The following ADGRV1 variants were observed in gnomAD, a reference collection of about 807,000 sequenced individuals.
ADGRV1 encodes G-protein coupled receptor 98.
ADGRV1 carries 359 observed loss-of-function variants against 596.2 expected under a neutral mutation model. That is an observed-to-expected ratio of 0.60 (90% CI 0.55 to 0.66). The LOEUF (loss-of-function observed/expected upper bound fraction) is 0.66, where lower values mean the gene tolerates loss of function less well. Ranked by LOEUF, ADGRV1 falls within the 30% of genes least tolerant of loss-of-function variation. The probability of loss-of-function intolerance (pLI) is 0.00; values close to 1 mark genes in which losing one functional copy is unlikely to be tolerated. For missense variants in ADGRV1, 7,274 were observed against 7,575.6 expected, an observed-to-expected ratio of 0.96 and a Z score of 1.48; for synonymous variants, 2,681 against 2,679.2, an observed-to-expected ratio of 1.00 and a Z score of -0.02.
intron 70 of ADGRV1, among the ~76,000 whole-genome samples, chr5:90,797,232 C>A (rs1021628649): frequency 1.7e-4 from 23 of 131,830 alleles, no homozygotes; most frequent in Middle Eastern, 5.0e-3. Context: ...TGTGCAGAGA[C>A]ACACATAGGC....
chr5:90,566,908 A>G (rs999144327), intron 1 of ADGRV1, among the ~76,000 whole-genome samples: 4 of 152,154 alleles, frequency 2.6e-5, no homozygotes, highest in Non-Finnish European at 5.9e-5. Flanking sequence ...TTAGAGAGAA[A>G]ACTTTTGGTC....
intron 52 of ADGRV1, among the ~76,000 whole-genome samples, chr5:90,747,479 G>A (rs1187735067): frequency 6.6e-6 from 1 of 152,144 alleles, no homozygotes; most frequent in East Asian, 1.9e-4. Flanking sequence ...CTCATGGGGT[G>A]TAAAGTCCAG....
At chr5:91,067,134 C>T (rs1036675047) in intron 85 of ADGRV1, among the ~76,000 whole-genome samples, 1 of 142,100 alleles carries the variant, frequency 7.0e-6, no homozygotes, top group African/African-American at 2.6e-5. Flanking sequence ...GGGAGAATTG[C>T]AAAGGAGATT....
intron 83 of ADGRV1, among the ~76,000 whole-genome samples, chr5:90,905,372 G>T (rs1236218183): frequency 6.6e-6 from 1 of 151,974 alleles, no homozygotes; most frequent in East Asian, 1.9e-4. Context: ...CATGAACATG[G>T]AATATCTCTC....
chr5:91,097,158 C>T (rs1044788689), intron 86 of ADGRV1, among the ~76,000 whole-genome samples: 30 of 152,090 alleles, frequency 2.0e-4, no homozygotes, highest in African/African-American at 7.2e-4. Flanking sequence ...ACAGAAAGTC[C>T]AAGATCAAGG....
chr5:90,892,577 A>G (rs1358262362), intron 83 of ADGRV1, among the ~76,000 whole-genome samples: 1 of 152,136 alleles, frequency 6.6e-6, no homozygotes, highest in East Asian at 1.9e-4. Flanking sequence ...ATATGTATAT[A>G]TACATACCAT....
chr5:90,864,009 G>A (rs2150459164), intron 83 of ADGRV1, among the ~76,000 whole-genome samples, 152 bp downstream of exon 83: 1 of 152,016 alleles, frequency 6.6e-6, no homozygotes, highest in South Asian at 2.1e-4. Flanking sequence ...GGACAGGAGA[G>A]TCATATAAGG....
At chr5:90,826,655 G>A (rs1764103227) in intron 76 of ADGRV1, among the ~76,000 whole-genome samples, 1 of 151,894 alleles carries the variant, frequency 6.6e-6, no homozygotes, top group Admixed American at 6.6e-5. Flanking sequence ...TGGAGCCCGA[G>A]GGAATGCAAT....
chr5:90,833,054 C>A (rs147938663), intron 77 of ADGRV1, among the ~76,000 whole-genome samples: 2 of 151,930 alleles, frequency 1.3e-5, no homozygotes, highest in African/African-American at 4.8e-5. Context: ...CAGTTTTTTT[C>A]TTTTTGCTCA....
At position 90,729,719 on chromosome 5, in the gene ADGRV1, G is replaced by A. The variant is rs371413954; in HGVS notation, c.10504G>A (p.Ala3502Thr). Residue 3502 changes from alanine to threonine, a missense_variant, in exon 50 of 90, where the codon GCT (alanine) becomes ACT (threonine). Coordinates refer to ENST00000405460, the MANE Select transcript of ADGRV1 (RefSeq NM_032119.4). ...SFRYFQSVDF[A>T]AVNRIHSFTP... ...CAGGTATTTTCAGTCTGTAGATTTT[G>A]CTGCTGTTAACAGAATCCACTCCTT... is the stretch of plus-strand genomic sequence containing the variant. The A allele has an allele frequency of 6.2e-7, 1 of 1,612,640 alleles. No individual in the cohort carries two copies. The highest frequency in any genetic ancestry group is 8.5e-7 in the Non-Finnish European group (1 of 1,178,888).
At chr5:90,760,348 G>A (rs1756385293) in intron 58 of ADGRV1, among the ~76,000 whole-genome samples, 1 of 151,294 alleles carries the variant, frequency 6.6e-6, no homozygotes, top group African/African-American at 2.4e-5. Flanking sequence ...AGGATCTTTT[G>A]AGTGGTCTAT....
intron 87 of ADGRV1, among the ~76,000 whole-genome samples, chr5:91,126,569 A>G (rs1257854755): frequency 1.3e-5 from 2 of 152,208 alleles, no homozygotes; most frequent in Non-Finnish European, 2.9e-5. Context: ...AGCAACCAGG[A>G]AGGTAAAGCC....
intron 87 of ADGRV1, among the ~76,000 whole-genome samples, chr5:91,129,390 A>G (rs1397940816): frequency 1.3e-5 from 2 of 152,186 alleles, no homozygotes; most frequent in Non-Finnish European, 2.9e-5. Context: ...TGTATTCACC[A>G]CTAGTTTAAT....
chr5:90,644,274 A>G (rs1431902260), intron 14 of ADGRV1, among the ~76,000 whole-genome samples: 1 of 152,212 alleles, frequency 6.6e-6, no homozygotes, highest in Admixed American at 6.5e-5. Context: ...CCTTAAAACT[A>G]AGAACTACTG....
chr5:91,098,284 C>T (rs1003032378), intron 86 of ADGRV1, among the ~76,000 whole-genome samples: 2 of 149,932 alleles, frequency 1.3e-5, no homozygotes, highest in Admixed American at 6.7e-5. Context: ...CCCCAACCAA[C>T]TTTCATCACC....
rs186602038 is a variant in ADGRV1, at chr5:90,982,826, C to T, written c.17974-2518C>T. ...GAGTACACAGAGCACACTGAGCGCACTCTGCATGTGGTGGGAGGAGGGTTA... is the reference window on the plus strand; with the variant it reads ...GAGTACACAGAGCACACTGAGCGCATTCTGCATGTGGTGGGAGGAGGGTTA... On this transcript the variant is annotated intron_variant, in intron 84 of 89. Coordinates refer to ENST00000405460, the MANE Select transcript of ADGRV1 (RefSeq NM_032119.4). 3.5e-3 allele frequency among the ~76,000 whole-genome samples: 535 copies of T among 152,232 alleles called. 3 individuals are homozygous for T. The highest frequency in any genetic ancestry group is 5.8e-3 in the Non-Finnish European group (395 of 68,016).
rs189925731 is a variant in ADGRV1, at chr5:90,752,444, C to T, written c.11122-1130C>T. ...TCAGTTATTTTTCCTGATCCTCTCC[C>T]TTCTTCCACCTTCCACCCTTGAATA... On this transcript the variant is annotated intron_variant, in intron 53 of 89. Coordinates refer to ENST00000405460, the MANE Select transcript of ADGRV1 (RefSeq NM_032119.4). Among the ~76,000 whole-genome samples, 300 of 152,280 alleles carry T rather than the reference C, an allele frequency of 2.0e-3. 2 individuals carry two copies. Among genetic ancestry groups the T allele is most frequent in the Non-Finnish European group, 5.3e-4 (36 of 68,014 alleles).
intron 87 of ADGRV1, among the ~76,000 whole-genome samples, chr5:91,109,163 G>A (rs938336462): frequency 1.4e-4 from 21 of 152,078 alleles, no homozygotes; most frequent in Middle Eastern, 3.2e-3. Flanking sequence ...TTCTTTAAAC[G>A]ATAAGGACTT....
At chr5:90,652,324 T>C in intron 18 of ADGRV1, 22 bp from the exon 19 acceptor site, 1 of 1,518,590 alleles carries the variant, frequency 6.6e-7, no homozygotes. Flanking sequence ...TACTTATAAA[T>C]TTTCTTTAAT....
Sources: allele counts gnomAD v4.1 joint callset (sites outside exome capture counted in the v4.1 genomes callset), GRCh38; gene constraint gnomAD v4.1.1; transcripts MANE v1.5; gene names NCBI Gene and HGNC (gene_info 2026-07-23, HGNC 2026-07-21).